The following POLR2F variants were observed in gnomAD, a reference collection of about 807,000 sequenced individuals.
POLR2F encodes RNA polymerase II, I and III subunit F, also known as DNA-directed RNA polymerases I, II, and III subunit RPABC2.
In POLR2F, 12 loss-of-function variants were observed where a neutral mutation model predicts 22.7. The observed-to-expected ratio is 0.53, with a 90% CI of 0.34 to 0.86. POLR2F has a LOEUF of 0.86. POLR2F is among the 40% of genes least tolerant of loss of function. POLR2F has a pLI of 0.02. For synonymous variants in POLR2F, 57 were observed against 66.0 expected, an observed-to-expected ratio of 0.86 and a Z score of 0.66; for missense variants, 126 against 171.5, an observed-to-expected ratio of 0.73 and a Z score of 1.48.
chr22:37,990,192 G>A (rs1309383086), intron 1 of POLR2F, among the ~76,000 whole-genome samples: 1 of 152,180 alleles, frequency 6.6e-6, no homozygotes. Context: ...GGAGGCAGAG[G>A]GTCTGAGCTC....
At chr22:38,019,553 G>A (rs1161266560) in intron 1 of POLR2F, among the ~76,000 whole-genome samples, 1 of 152,216 alleles carries the variant, frequency 6.6e-6, no homozygotes, top group African/African-American at 2.4e-5. Context: ...AAATGGCCCG[G>A]TTCACAGGAA....
chr22:37,968,440 C>T lies in POLR2F; in HGVS notation c.*725C>T, dbSNP rs1931944088. ...TTCTTCCTAGCCTCTATAAGATATC[C>T]TTTCCCTCCTATTTGGGGCTGGTGA... On this transcript the variant is annotated 3_prime_UTR_variant, in exon 5 of 5. Coordinates refer to ENST00000442738, the MANE Select transcript of POLR2F (RefSeq NM_021974.5). 10 of 985,814 alleles carry T rather than the reference C, an allele frequency of 1.0e-5. No homozygotes were observed. Among genetic ancestry groups the T allele is most frequent in the Non-Finnish European group, 1.2e-6 (1 of 830,252 alleles). The allele number at this position is 985,814 out of a possible 1,614,324, so 61.1% of individuals were successfully genotyped here.
chr22:37,994,659 C>CA (rs2145792211), intron 1 of POLR2F, among the ~76,000 whole-genome samples: 1 of 152,338 alleles, frequency 6.6e-6, no homozygotes, highest in African/African-American at 2.4e-5. Context: ...GCTGGCACTA[C>CA]AGGTGCCCGC....
downstream of POLR2F, among the ~76,000 whole-genome samples, chr22:38,030,236 G>C (rs536264428): frequency 6.6e-6 from 1 of 152,294 alleles, no homozygotes; most frequent in East Asian, 1.9e-4. Flanking sequence ...ATAGGGCTGG[G>C]AGCTTGAGAG....
chr22:38,022,086 G>A (rs373492177), intron 1 of POLR2F, among the ~76,000 whole-genome samples: 7 of 150,402 alleles, frequency 4.7e-5, no homozygotes, highest in African/African-American at 9.8e-5. Flanking sequence ...AGCTGAGATC[G>A]TGCCACTGCA....
chr22:37,965,492 TA>T (rs1569164484), intron 3 of POLR2F, among the ~76,000 whole-genome samples: 1 of 152,266 alleles, frequency 6.6e-6, no homozygotes, highest in Non-Finnish European at 1.5e-5. Flanking sequence ...TCCATGTGCA[TA>T]ATAGGTGCGG....
chr22:38,014,961 C>T (rs986323336), intron 1 of POLR2F, among the ~76,000 whole-genome samples: 5 of 151,958 alleles, frequency 3.3e-5, no homozygotes, highest in Admixed American at 2.6e-4. Flanking sequence ...GTGTCCGCCA[C>T]CACGCCCGGC....
At chr22:37,960,000 C>T (rs1470196460) in intron 3 of POLR2F, among the ~76,000 whole-genome samples, 2 of 151,924 alleles carry the variant, frequency 1.3e-5, no homozygotes, top group South Asian at 2.1e-4. Flanking sequence ...GACGGGGTCT[C>T]GCCATGTTGC....
chr22:38,034,261 A>G (rs1239368723), intron 5 of POLR2F: 3 of 167,292 alleles, frequency 1.8e-5, no homozygotes, highest in African/African-American at 7.3e-5. Flanking sequence ...CTGGGCTCTC[A>G]CTGGGCCTCG....
At chr22:37,985,451 C>G (rs1569172080), upstream of POLR2F, among the ~76,000 whole-genome samples, 1 of 152,154 alleles carries the variant, frequency 6.6e-6, no homozygotes, top group African/African-American at 2.4e-5. Flanking sequence ...CCTTTTCTTT[C>G]CTGCCCATCC....
intron 1 of POLR2F, among the ~76,000 whole-genome samples, chr22:38,023,084 CT>C (rs2084975191): frequency 6.6e-6 from 1 of 152,188 alleles, no homozygotes; most frequent in South Asian, 2.1e-4. Context: ...CTGTGCTCCA[CT>C]GGGTTATTTT....
intron 1 of POLR2F, among the ~76,000 whole-genome samples, chr22:37,992,390 CTT>C (rs922923630): frequency 6.9e-6 from 1 of 145,560 alleles, no homozygotes; most frequent in Non-Finnish European, 1.5e-5. Flanking sequence ...ATTGCTTCTT[CTT>C]TTTTTTTTTT....
At chr22:37,983,834 G>A, upstream of POLR2F, 2 of 1,342,060 alleles carry the variant, frequency 1.5e-6, no homozygotes, top group South Asian at 1.5e-5. The surrounding 1 kb of genome is among the most constrained non-coding windows in gnomAD (Gnocchi z 9.5). Context: ...CCCCGGGCCA[G>A]CCGCCGGGGT....
intron 1 of POLR2F, among the ~76,000 whole-genome samples, chr22:38,004,156 T>C (rs1322890943): frequency 8.2e-6 from 1 of 122,084 alleles, no homozygotes; most frequent in Non-Finnish European, 1.7e-5. Flanking sequence ...GTCTGGCTAA[T>C]TTTTATTCTT....
At chr22:37,983,494 G>A (rs751182136), upstream of POLR2F, 9 of 1,611,460 alleles carry the variant, frequency 5.6e-6, 1 homozygote, top group South Asian at 6.6e-5. This position sits in a 1 kb window ranked among gnomAD's most constrained non-coding sequence, Gnocchi z 9.5. Context: ...TGCTTTTGCT[G>A]GCGCCGTTGA....
chr22:37,961,870 A>G lies in POLR2F; in HGVS notation c.221+2394A>G, dbSNP rs114515931. On this transcript the variant is annotated intron_variant, in intron 3 of 4. Coordinates refer to ENST00000442738, the MANE Select transcript of POLR2F (RefSeq NM_021974.5). ...CCTACCCCAAACTCCCTATAGACTG[A>G]TGTGGGAAATGGTGGGTATCTGGAG... 2.9e-3 allele frequency among the ~76,000 whole-genome samples: 447 copies of G among 152,122 alleles called. 6 individuals carry two copies. The highest frequency in any genetic ancestry group is 0.01 in the African/African-American group (431 of 41,500).
At chr22:37,958,969 G>C (rs1415482046) in intron 2 of POLR2F, among the ~76,000 whole-genome samples, 1 of 152,130 alleles carries the variant, frequency 6.6e-6, no homozygotes. Flanking sequence ...ACTATTCCTA[G>C]CTTCCTGCTT....
At chr22:38,011,394 G>A (rs2084870734) in intron 1 of POLR2F, among the ~76,000 whole-genome samples, 1 of 151,608 alleles carries the variant, frequency 6.6e-6, no homozygotes, top group Non-Finnish European at 1.5e-5. Flanking sequence ...TGTGAGCCAC[G>A]GCACCCAGCC....
intron 3 of POLR2F, among the ~76,000 whole-genome samples, chr22:37,961,711 G>T (rs1367039681): frequency 6.6e-5 from 10 of 152,204 alleles, no homozygotes; most frequent in Admixed American, 6.5e-4. Flanking sequence ...CTGGGCCACA[G>T]ATGCCTGCTT....
Sources: gnomAD v4.1 joint callset for allele counts (sites outside exome capture counted in the v4.1 genomes callset) on GRCh38, gnomAD v4.1.1 for gene constraint, Gnocchi (gnomAD v3.1) non-coding constraint, MANE v1.5 for transcripts, NCBI Gene and HGNC (gene_info 2026-07-23, HGNC 2026-07-21) for gene names.